The following KLHL31 variants were observed in gnomAD, a reference collection of about 807,000 sequenced individuals.
The protein encoded by KLHL31 is kelch-like protein 31.
In KLHL31, 32 loss-of-function variants were observed where a neutral mutation model predicts 47.1. The observed-to-expected ratio is 0.68, with a 90% CI of 0.51 to 0.91. The LOEUF is 0.91. Among genes scored for constraint, KLHL31 ranks in the 40% least tolerant of loss-of-function variants. The probability of loss-of-function intolerance (pLI) is 0.00; values close to 1 mark genes in which losing one functional copy is unlikely to be tolerated. For missense variants in KLHL31, 797 were observed against 819.3 expected, an observed-to-expected ratio of 0.97 and a Z score of 0.33; for synonymous variants, 330 against 325.1, an observed-to-expected ratio of 1.01 and a Z score of -0.16.
At chr6:53,660,199 A>G (rs1764625175) in intron 1 of KLHL31, among the ~76,000 whole-genome samples, 1 of 152,028 alleles carries the variant, frequency 6.6e-6, no homozygotes, top group African/African-American at 2.4e-5. Context: ...GAATACATAT[A>G]TTTATATATA....
chr6:53,648,338 T>A lies in KLHL31; in HGVS notation c.*3260A>T, dbSNP rs1764422481. The stretch of plus-strand genomic sequence containing the variant: ...AATAGGGATGTAGTTCATTCAGAGA[T>A]TACATAAATTCATTTGGTTGTAACT... On this transcript the variant is annotated 3_prime_UTR_variant, in exon 3 of 3. Transcript: ENST00000370905. 2 of 152,170 alleles carry A rather than the reference T, an allele frequency of 1.3e-5. No homozygotes were observed. The highest frequency in any genetic ancestry group is 2.1e-4 in the South Asian group (1 of 4,828). 9.4% of individuals were successfully genotyped at this position (152,170 alleles called of 1,614,324 possible). A position where few individuals can be genotyped will look rare whatever the true frequency, so the allele number is the denominator to read the frequency against.
At position 53,654,282 on chromosome 6, in the gene KLHL31, A is replaced by G; in HGVS notation, c.991T>C (p.Ser331Pro). ...CTATACAAGATGTCTCTGCTAAGGG[A>G]CTTCTCAGTAAGGCCTGGGCGTCCC... ...VGGRPGLTEK[S>P]LSRDILYRDP... The change falls in exon 2 of 3, where the codon TCC becomes CCC. Residue 331 changes from serine (S) to proline (P), a missense_variant. Physicochemically the swap from Ser to Pro is moderately conservative, Grantham distance 74. Transcript: ENST00000370905. 6.2e-7 allele frequency: 1 copy of G among 1,614,094 alleles called. No individual in the cohort carries two copies. The highest frequency in any genetic ancestry group is 8.5e-7 in the Non-Finnish European group (1 of 1,180,016).
In KLHL31 at chr6:53,664,501, T is replaced by C. The variant is rs1314083591; in HGVS notation, c.-34+1100A>G. On this transcript the variant is annotated intron_variant, in intron 1 of 2. Coordinates refer to ENST00000370905, the MANE Select transcript of KLHL31 (RefSeq NM_001003760.5). ...GACTGAGAATAATGCTGCCAAGCAA[T>C]GGTACATAATTGGACCCTTGTCTGT... 2.0e-5 allele frequency among the ~76,000 whole-genome samples: 3 copies of C among 152,320 alleles called. No individual in the cohort carries two copies. The East Asian group carries it at 5.8e-4, about 29-fold the overall frequency.
rs776099010 is a variant in KLHL31, at chr6:53,654,889, G to A, written c.384C>T (p.Ala128=). Residue 128 remains alanine (A), a synonymous_variant, in exon 2 of 3, where the codon GCC becomes GCT. Transcript: ENST00000370905. ...PLGLATVIAY[A]YTGKLTLSLY... The stretch of plus-strand genomic sequence containing the variant: ...AGGAGAGAGTGAGCTTTCCAGTGTA[G>A]GCATATGCAATGACAGTGGCCAGGC... 7.4e-6 allele frequency: 12 copies of A among 1,614,018 alleles called. No individual in the cohort carries two copies. Among genetic ancestry groups the A allele is most frequent in the Non-Finnish European group, 9.3e-6 (11 of 1,180,002 alleles).
rs1764445475 is a variant in KLHL31, at chr6:53,650,249, G to C, written c.*1349C>G. ...AACAAATAAACTGTCAAAGAATAAA[G>C]TGATAAATTATAAAAAAGGAAAATA... is the stretch of plus-strand genomic sequence containing the variant. On this transcript the variant is annotated 3_prime_UTR_variant, in exon 3 of 3. Coordinates refer to ENST00000370905, the MANE Select transcript of KLHL31 (RefSeq NM_001003760.5). The C allele has an allele frequency of 6.6e-6, 1 of 152,108 alleles. No individual in the cohort carries two copies. The highest frequency in any genetic ancestry group is 2.1e-4 in the South Asian group (1 of 4,826). 9.4% of individuals were successfully genotyped at this position (152,108 alleles called of 1,614,324 possible).
intron 1 of KLHL31, among the ~76,000 whole-genome samples, chr6:53,662,052 T>A (rs1014153626): frequency 2.6e-5 from 4 of 152,184 alleles, no homozygotes; most frequent in African/African-American, 9.7e-5. Flanking sequence ...ATCCCCAAGC[T>A]TGGTAGCCAG....
chr6:53,664,953 C>T (rs1764697992), intron 1 of KLHL31, among the ~76,000 whole-genome samples: 1 of 152,064 alleles, frequency 6.6e-6, no homozygotes, highest in African/African-American at 2.4e-5. Flanking sequence ...TTCACCATTA[C>T]ACTTCCAACA....
Position 53,654,986 on chromosome 6 carries a change from T to C in KLHL31, c.287A>G (p.Glu96Gly), listed in dbSNP as rs1764536201. 1.2e-6 allele frequency: 2 copies of C among 1,614,102 alleles called. No individual in the cohort carries two copies. Among genetic ancestry groups the C allele is most frequent in the South Asian group, 1.1e-5 (1 of 91,086 alleles). The change falls in exon 2 of 3, where the codon GAG becomes GGG. Residue 96 changes from glutamate to glycine, a missense_variant. Coordinates refer to ENST00000370905, the MANE Select transcript of KLHL31 (RefSeq NM_001003760.5). ...VHKSVMASCS[E>G]YFYNILKKDP... ...TTTTTTTAGGATGTTGTAAAAATAC[T>C]CACTGCATGAAGCCATGACTGACTT...
chr6:53,662,698 C>T (rs753918189), intron 1 of KLHL31, among the ~76,000 whole-genome samples: 13 of 152,230 alleles, frequency 8.5e-5, no homozygotes, highest in Non-Finnish European at 1.6e-4. Context: ...TGCACACTCC[C>T]CTCCCCATGC....
rs1163163069 is a variant in KLHL31, at chr6:53,651,995, C to T, written c.1508G>A (p.Arg503Gln). 6.3e-7 allele frequency: 1 copy of T among 1,592,522 alleles called. No individual in the cohort carries two copies. The highest frequency in any genetic ancestry group is 8.5e-7 in the Non-Finnish European group (1 of 1,175,490). The part of the protein sequence containing the change: ...WQELPNLSTP[R>Q]GWHCAVTLSD... ...CAGCGTGACCGCGCAGTGCCAGCCCCGGGGTGTGCTGAGGTTCGGCAGCTC... is the reference window on the plus strand; with the variant it reads ...CAGCGTGACCGCGCAGTGCCAGCCCTGGGGTGTGCTGAGGTTCGGCAGCTC... The change falls in exon 3 of 3, where the codon CGG (arginine) becomes CAG (glutamine). Residue 503 changes from arginine (R) to glutamine (Q), a missense_variant. Physicochemically the swap from Arg to Gln is conservative, Grantham distance 43. Transcript: ENST00000370905.
At chr6:53,657,611 TG>T (rs1383528639) in intron 1 of KLHL31, among the ~76,000 whole-genome samples, 2 of 2,874 alleles carry the variant, frequency 7.0e-4, no homozygotes, top group Admixed American at 4.9e-3. Flanking sequence ...GTTTTTGTTT[TG>T]TGTGTGTGTG....
rs937665891 is a variant in KLHL31 at position 53,648,602 on chromosome 6, A to G, written c.*2996T>C. ...CAGTACTCACTTCCTCATGACATCA[A>G]TTATACCTCCTCACTCATAACACTT... On this transcript the variant is annotated 3_prime_UTR_variant, in exon 3 of 3. Transcript: ENST00000370905. 3 of 152,168 alleles carry G rather than the reference A, an allele frequency of 2.0e-5. No homozygotes were observed. Among genetic ancestry groups the G allele is most frequent in the East Asian group, 3.8e-4 (2 of 5,198 alleles). The allele number at this position is 152,168 out of a possible 1,614,324, so 9.4% of individuals were successfully genotyped here.
At position 53,652,298 on chromosome 6, in the gene KLHL31, A is replaced by G; in HGVS notation, c.1205T>C (p.Leu402Pro). The G allele has an allele frequency of 6.2e-7, 1 of 1,614,152 alleles. No homozygotes were observed. Among genetic ancestry groups the G allele is most frequent in the Non-Finnish European group, 8.5e-7 (1 of 1,180,044 alleles). The change falls in exon 3 of 3, where the codon CTG (leucine) becomes CCG (proline). Residue 402 changes from leucine to proline, a missense_variant. Physicochemically the swap from Leu to Pro is moderately conservative, Grantham distance 98. Transcript: ENST00000370905. ...YDPRFNTWIHLASMNQKRTHF... is the reference protein window; with the variant it reads ...YDPRFNTWIHPASMNQKRTHF... ...CGTGCGCTTCTGGTTCATGCTGGCCAGGTGTATCCAGGTGTTGAAGCGGGG... is the reference window on the plus strand; with the variant it reads ...CGTGCGCTTCTGGTTCATGCTGGCCGGGTGTATCCAGGTGTTGAAGCGGGG...
Position 53,651,733 on chromosome 6 carries a change from C to T in KLHL31, c.1770G>A (p.Glu590=). 6 of 1,614,202 alleles carry T rather than the reference C, an allele frequency of 3.7e-6. No individual in the cohort carries two copies. In the South Asian group the frequency reaches 6.6e-5, roughly 18 times the overall value. The change falls in exon 3 of 3, where the codon GAG becomes GAA. Residue 590 remains glutamate, a synonymous_variant. Coordinates refer to ENST00000370905, the MANE Select transcript of KLHL31 (RefSeq NM_001003760.5). ...CGTCGTCCTCCGTCCACTCGTTGAGCTCGGGGCTGAAGCACTGGATGCACT... is the reference window on the plus strand; with the variant it reads ...CGTCGTCCTCCGTCCACTCGTTGAGTTCGGGGCTGAAGCACTGGATGCACT... The part of the protein sequence containing the change: ...YKKCIQCFSP[E]LNEWTEDDEL...
At chr6:53,657,069 G>T (rs1764572314) in intron 1 of KLHL31, among the ~76,000 whole-genome samples, 1 of 151,854 alleles carries the variant, frequency 6.6e-6, no homozygotes, top group Non-Finnish European at 1.5e-5. Flanking sequence ...AATAGCTGGG[G>T]CTACAGGTGC....
chr6:53,654,703 T>G lies in KLHL31; in HGVS notation c.570A>C (p.Ala190=). The G allele has an allele frequency of 6.2e-7, 1 of 1,614,220 alleles. No individual in the cohort carries two copies. The highest frequency in any genetic ancestry group is 8.5e-7 in the Non-Finnish European group (1 of 1,180,026). Residue 190 remains alanine (A), a synonymous_variant, in exon 2 of 3, where the codon GCA becomes GCC. Coordinates refer to ENST00000370905, the MANE Select transcript of KLHL31 (RefSeq NM_001003760.5). ...ETYSLKNAKA[A]AQKFIRDNFL... ...AGTTATCCCGAATAAATTTCTGGGCTGCTGCTTTTGCATTTTTTAGGGAGT... is the reference window on the plus strand; with the variant it reads ...AGTTATCCCGAATAAATTTCTGGGCGGCTGCTTTTGCATTTTTTAGGGAGT...
At chr6:53,657,101 T>G (rs1336204339) in intron 1 of KLHL31, among the ~76,000 whole-genome samples, 2 of 151,822 alleles carry the variant, frequency 1.3e-5, no homozygotes, top group African/African-American at 4.8e-5. Flanking sequence ...TATGCCTGTC[T>G]ACCTTTTTTG....
At position 53,649,891 on chromosome 6, in the gene KLHL31, A is replaced by G. The variant is rs1267619976; in HGVS notation, c.*1707T>C. On this transcript the variant is annotated 3_prime_UTR_variant, in exon 3 of 3. Coordinates refer to ENST00000370905, the MANE Select transcript of KLHL31 (RefSeq NM_001003760.5). ...TAAGGAAACAGCCCAGCGCTTTTACATTAATAATATCTTGTTCTTAATTTA... is the reference window on the plus strand; with the variant it reads ...TAAGGAAACAGCCCAGCGCTTTTACGTTAATAATATCTTGTTCTTAATTTA... 1.3e-5 allele frequency: 2 copies of G among 152,220 alleles called. No individual in the cohort carries two copies. The highest frequency in any genetic ancestry group is 6.5e-5 in the Admixed American group (1 of 15,292). 9.4% of individuals were successfully genotyped at this position (152,220 alleles called of 1,614,324 possible). A position where few individuals can be genotyped will look rare whatever the true frequency, so the allele number is the denominator to read the frequency against.
chr6:53,651,464 G>T lies in KLHL31; in HGVS notation c.*134C>A. On this transcript the variant is annotated 3_prime_UTR_variant, in exon 3 of 3. Coordinates refer to ENST00000370905, the MANE Select transcript of KLHL31 (RefSeq NM_001003760.5). ...CAGGAATTTAAAGCCATCAGGACAT[G>T]TGCCTCGACATATTTTACAATACAA... 1.7e-6 allele frequency: 1 copy of T among 592,248 alleles called. No individual in the cohort carries two copies. The highest frequency in any genetic ancestry group is 2.6e-6 in the Non-Finnish European group (1 of 381,240). 36.7% of individuals were successfully genotyped at this position (592,248 alleles called of 1,614,324 possible). A position where few individuals can be genotyped will look rare whatever the true frequency, so the allele number is the denominator to read the frequency against.
Sources: gnomAD v4.1 joint callset for allele counts (sites outside exome capture counted in the v4.1 genomes callset) on GRCh38, gnomAD v4.1.1 for gene constraint, MANE v1.5 for transcripts, NCBI Gene and HGNC (gene_info 2026-07-23, HGNC 2026-07-21) for gene names.